The following GANC variants were observed in gnomAD, a reference collection of about 807,000 sequenced individuals.
GANC encodes glucosidase alpha, neutral C.
A neutral mutation model predicts 124.2 loss-of-function variants in GANC; 117 were observed. The ratio of observed to expected loss-of-function variants is 0.94; its 90% CI spans 0.81 to 1.10. The LOEUF is 1.10. Ranked by LOEUF, GANC falls within the 50% of genes least tolerant of loss-of-function variation. The pLI, the probability that GANC is intolerant of heterozygous loss-of-function variation, is 0.00. For synonymous variants in GANC, 377 were observed against 376.8 expected, an observed-to-expected ratio of 1.00 and a Z score of -0.01; for missense variants, 1,140 against 1,095.0, an observed-to-expected ratio of 1.04 and a Z score of -0.58.
intron 6 of GANC, among the ~76,000 whole-genome samples, chr15:42,299,376 C>T (rs756207437): frequency 1.3e-5 from 2 of 152,080 alleles, no homozygotes; most frequent in East Asian, 1.9e-4. Context: ...TATTGATTTG[C>T]ATATGTTGAA....
chr15:42,317,875 A>G (rs2052122308), intron 10 of GANC, among the ~76,000 whole-genome samples: 1 of 152,218 alleles, frequency 6.6e-6, no homozygotes. Flanking sequence ...AGCACTTCCA[A>G]AATACTGGAT....
intron 1 of GANC, among the ~76,000 whole-genome samples, chr15:42,275,128 C>T (rs2141007182): frequency 6.6e-6 from 1 of 152,258 alleles, no homozygotes; most frequent in Non-Finnish European, 1.5e-5. Context: ...AATCCCAGCA[C>T]TTTGGGAGGC....
intron 6 of GANC, among the ~76,000 whole-genome samples, chr15:42,302,151 G>A (rs905976581): frequency 2.0e-5 from 3 of 152,198 alleles, no homozygotes; most frequent in African/African-American, 4.8e-5. Flanking sequence ...GCTTCCAGAG[G>A]AAGGAACAGG....
intron 13 of GANC, among the ~76,000 whole-genome samples, chr15:42,328,953 G>C (rs962095711): frequency 1.3e-5 from 2 of 152,168 alleles, no homozygotes; most frequent in African/African-American, 4.8e-5. Context: ...GAATGAGAAG[G>C]AGCCCAATTG....
chr15:42,327,843 A>T (rs543822341), intron 13 of GANC, among the ~76,000 whole-genome samples: 1 of 152,188 alleles, frequency 6.6e-6, no homozygotes, highest in Non-Finnish European at 1.5e-5. Flanking sequence ...AAATAATCTG[A>T]TAAGAACCAC....
Position 42,339,759 on chromosome 15 carries a change from A to C in GANC, c.1934A>C (p.His645Pro). ...GCCTACCAGCCCTTCTTCCGTGGCCATGCCACCATGAACACCAAGCGACGA... is the reference window on the plus strand; with the variant it reads ...GCCTACCAGCCCTTCTTCCGTGGCCCTGCCACCATGAACACCAAGCGACGA... ...AGAYQPFFRG[H>P]ATMNTKRREP... Residue 645 changes from histidine (H) to proline (P), a missense_variant, in exon 17 of 24, where the codon CAT becomes CCT. Physicochemically the swap from His to Pro is moderately conservative, Grantham distance 77. Coordinates refer to ENST00000318010, the MANE Select transcript of GANC (RefSeq NM_198141.3). 6.2e-7 allele frequency: 1 copy of C among 1,614,156 alleles called. No homozygotes were observed. The highest frequency in any genetic ancestry group is 8.5e-7 in the Non-Finnish European group (1 of 1,180,008).
chr15:42,327,229 G>T lies in GANC; in HGVS notation c.1421-134G>T. On this transcript the variant is annotated intron_variant, in intron 12 of 23. Coordinates refer to ENST00000318010, the MANE Select transcript of GANC (RefSeq NM_198141.3). ...CTTCCTTCACTTCTCAACAGACCATGCCTCTGTCAGCCAACTTTCGTGTTT... is the reference window on the plus strand; with the variant it reads ...CTTCCTTCACTTCTCAACAGACCATTCCTCTGTCAGCCAACTTTCGTGTTT... 7 of 631,152 alleles carry T rather than the reference G, an allele frequency of 1.1e-5. No homozygotes were observed. The South Asian group carries it at 1.3e-4, about 12-fold the overall frequency. 39.1% of individuals were successfully genotyped at this position (631,152 alleles called of 1,614,324 possible). A position where few individuals can be genotyped will look rare whatever the true frequency, so the allele number is the denominator to read the frequency against.
chr15:42,280,815 G>C, intron 3 of GANC: 1 of 630,386 alleles, frequency 1.6e-6, no homozygotes, highest in Non-Finnish European at 2.8e-6. Flanking sequence ...TCAACACAGC[G>C]TGATACCAGT....
At chr15:42,322,899 C>T (rs1354093120) in intron 11 of GANC, among the ~76,000 whole-genome samples, 3 of 152,092 alleles carry the variant, frequency 2.0e-5, no homozygotes, top group Non-Finnish European at 4.4e-5. Context: ...CTATGTGTAT[C>T]ATGTGAGTGA....
At chr15:42,334,329 CTT>C (rs1322463482) in intron 15 of GANC, among the ~76,000 whole-genome samples, 1 of 151,956 alleles carries the variant, frequency 6.6e-6, no homozygotes, top group African/African-American at 2.4e-5. Context: ...ACCTGGCTAA[CTT>C]TTACATTTTT....
intron 3 of GANC, among the ~76,000 whole-genome samples, chr15:42,284,977 A>C (rs922372774): frequency 2.4e-4 from 36 of 152,224 alleles, no homozygotes; most frequent in African/African-American, 8.4e-4. Context: ...TAAGCAGTCC[A>C]GCATCTCTAA....
intron 18 of GANC, 148 bp from the exon 19 acceptor site, chr15:42,342,930 A>G (rs1595785054): frequency 1.3e-5 from 8 of 636,158 alleles, no homozygotes; most frequent in Admixed American, 2.7e-5. Flanking sequence ...CTCTCTAACA[A>G]ATCATTGGTT....
intron 22 of GANC, 65 bp downstream of exon 22, chr15:42,349,560 A>C: frequency 1.6e-6 from 1 of 611,512 alleles, no homozygotes; most frequent in Non-Finnish European, 2.4e-6. Flanking sequence ...CAGCATCCTC[A>C]AATCAAATGC....
chr15:42,349,684 G>T (rs1010418989), intron 22 of GANC, among the ~76,000 whole-genome samples, 189 bp downstream of exon 22: 1 of 151,532 alleles, frequency 6.6e-6, no homozygotes, highest in African/African-American at 2.4e-5. Flanking sequence ...CACTCACTCT[G>T]TCGCTCAGAC....
chr15:42,288,439 G>A (rs756705451), intron 4 of GANC, among the ~76,000 whole-genome samples: 13 of 152,056 alleles, frequency 8.5e-5, no homozygotes, highest in African/African-American at 1.9e-4. Flanking sequence ...CAGTTTTGCC[G>A]GTTGGTTTCC....
chr15:42,341,279 A>G (rs1044062727), intron 18 of GANC, among the ~76,000 whole-genome samples: 5 of 151,948 alleles, frequency 3.3e-5, no homozygotes, highest in Admixed American at 3.3e-4. Context: ...GTTCTTGCTG[A>G]CTTATTTGTG....
At chr15:42,339,305 AACACACAC>A (rs60116980) in intron 16 of GANC, among the ~76,000 whole-genome samples, 6,233 of 119,178 alleles carry the variant, frequency 0.052, 177 homozygotes, top group East Asian at 0.093. Flanking sequence ...ACCCCCCTCC[AACACACAC>A]ACACACACAC....
chr15:42,314,339 A>T (rs1164153571), intron 10 of GANC: 7 of 563,620 alleles, frequency 1.2e-5, no homozygotes, highest in Non-Finnish European at 2.2e-5. Flanking sequence ...TGGCCATGGG[A>T]TTGGGGATCT....
chr15:42,336,873 T>C (rs1180142375), intron 15 of GANC, among the ~76,000 whole-genome samples: 3 of 152,150 alleles, frequency 2.0e-5, no homozygotes, highest in East Asian at 1.9e-4. Context: ...CCAACAAGCA[T>C]GTGAAAAAAA....
Sources: gnomAD v4.1 joint callset for allele counts (sites outside exome capture counted in the v4.1 genomes callset) on GRCh38, gnomAD v4.1.1 for gene constraint, MANE v1.5 for transcripts, NCBI Gene and HGNC (gene_info 2026-07-23, HGNC 2026-07-21) for gene names.